The following LIMCH1 variants were observed in gnomAD, a reference collection of about 807,000 sequenced individuals.
LIMCH1 encodes LIM and calponin homology domains 1, also known as LIM and calponin homology domains-containing protein 1.
LIMCH1 carries 113 observed loss-of-function variants against 176.5 expected under a neutral mutation model. The ratio of observed to expected loss-of-function variants is 0.64; its 90% CI spans 0.55 to 0.75. LIMCH1 has a LOEUF of 0.75. Ranked by LOEUF, LIMCH1 falls within the 30% of genes least tolerant of loss-of-function variation. The pLI is 0.00. For synonymous variants in LIMCH1, 619 were observed against 645.9 expected, an observed-to-expected ratio of 0.96 and a Z score of 0.63; for missense variants, 1,674 against 1,814.9, an observed-to-expected ratio of 0.92 and a Z score of 1.41.
intron 1 of LIMCH1, among the ~76,000 whole-genome samples, chr4:41,564,786 T>C (rs936702753): frequency 1.3e-5 from 2 of 152,060 alleles, no homozygotes; most frequent in Non-Finnish European, 2.9e-5. Flanking sequence ...CAGGATCAGG[T>C]GGAGATAATT....
At chr4:41,484,347 A>T (rs6447077) in intron 1 of LIMCH1, among the ~76,000 whole-genome samples, 69,957 of 152,096 alleles carry the variant, frequency 0.46, 19,612 homozygotes, top group African/African-American at 0.79. Flanking sequence ...ATAAAACAGG[A>T]ATTTGGTAAA....
chr4:41,623,308 A>G (rs1046012082), intron 7 of LIMCH1, among the ~76,000 whole-genome samples: 4 of 152,204 alleles, frequency 2.6e-5, no homozygotes, highest in Middle Eastern at 3.2e-3. Context: ...GCACCCAACA[A>G]GAGGACCACT....
At chr4:41,611,313 C>T (rs1461900112) in intron 4 of LIMCH1, among the ~76,000 whole-genome samples, 1 of 152,202 alleles carries the variant, frequency 6.6e-6, no homozygotes. Flanking sequence ...TGAGTACACA[C>T]TGTGATGTTT....
chr4:41,559,030 C>T (rs1243884837), intron 1 of LIMCH1, among the ~76,000 whole-genome samples: 2 of 152,024 alleles, frequency 1.3e-5, no homozygotes, highest in Admixed American at 1.3e-4. Context: ...AGAGCATTGT[C>T]TTCGTGGCTG....
At chr4:41,623,213 T>C (rs1484314293) in intron 7 of LIMCH1, among the ~76,000 whole-genome samples, 1 of 152,204 alleles carries the variant, frequency 6.6e-6, no homozygotes, top group Non-Finnish European at 1.5e-5. Context: ...ATTTAAATCA[T>C]TGAAATACGC....
intron 1 of LIMCH1, among the ~76,000 whole-genome samples, chr4:41,443,149 T>C (rs185255127): frequency 8.3e-4 from 124 of 150,068 alleles, no homozygotes; most frequent in East Asian, 4.0e-4. Flanking sequence ...TGTCTTATGC[T>C]CCAAGGTAAA....
chr4:41,594,584 T>C (rs2088349439), intron 1 of LIMCH1, among the ~76,000 whole-genome samples: 1 of 152,232 alleles, frequency 6.6e-6, no homozygotes, highest in Non-Finnish European at 1.5e-5. Flanking sequence ...TTGCTAGCTC[T>C]TGGCTGGGTG....
chr4:41,547,448 A>C (rs2152498636), intron 1 of LIMCH1, among the ~76,000 whole-genome samples: 1 of 151,834 alleles, frequency 6.6e-6, no homozygotes, highest in South Asian at 2.1e-4. Context: ...AAAGATATTA[A>C]CTGCAGAGGC....
chr4:41,692,259 T>G (rs768366196), intron 30 of LIMCH1, 23 bp from the exon 31 acceptor site: 1 of 1,360,040 alleles, frequency 7.4e-7, no homozygotes, highest in African/African-American at 1.4e-5. Context: ...CATCTTATGA[T>G]GTCTGTTCTT....
chr4:41,628,584 A>G (rs2093127545), intron 8 of LIMCH1, among the ~76,000 whole-genome samples: 1 of 152,152 alleles, frequency 6.6e-6, no homozygotes, highest in Non-Finnish European at 1.5e-5. Flanking sequence ...TCCAGCTTGA[A>G]TGATATATTT....
At chr4:41,608,416 G>C (rs2091008667) in intron 4 of LIMCH1, among the ~76,000 whole-genome samples, 1 of 152,216 alleles carries the variant, frequency 6.6e-6, no homozygotes, top group South Asian at 2.1e-4. Flanking sequence ...TTTTTGTTAG[G>C]AGAGCAGATA....
rs1267065142 is a variant in LIMCH1 at position 41,571,360 on chromosome 4, G to T, written c.-240-27560G>T. On this transcript the variant is annotated intron_variant, in intron 1 of 31. Transcript: ENST00000503057. ...GACTTCTTTTGTCCTCGGAGCAGGG[G>T]AAAGGAGACGGAACACAGGAGTGTA... Among the ~76,000 whole-genome samples, 3 of 152,150 alleles carry T rather than the reference G, an allele frequency of 2.0e-5. 1 individual carries two copies. The highest frequency in any genetic ancestry group is 7.2e-5 in the African/African-American group (3 of 41,428).
Position 41,697,504 on chromosome 4 carries a change from G to A in LIMCH1, c.*319G>A, listed in dbSNP as rs959666375. ...TAAAATGTGTTATTCTCTTCTTTGG[G>A]AATTAGCTAAATGATGCAATAAACC... On this transcript the variant is annotated 3_prime_UTR_variant, in exon 32 of 32. Coordinates refer to ENST00000503057, the MANE Select transcript of LIMCH1 (RefSeq NM_001330672.2). 6.3e-6 allele frequency: 2 copies of A among 318,372 alleles called. No homozygotes were observed. The highest frequency in any genetic ancestry group is 5.0e-5 in the East Asian group (1 of 20,118). The allele number at this position is 318,372 out of a possible 1,614,324, so 19.7% of individuals were successfully genotyped here. A position where few individuals can be genotyped will look rare whatever the true frequency, so the allele number is the denominator to read the frequency against.
At position 41,646,482 on chromosome 4, in the gene LIMCH1, T is replaced by C; in HGVS notation, c.2412-3T>C. On this transcript the variant is annotated splice_region_variant and splice_polypyrimidine_tract_variant and intron_variant, in intron 16 of 31. Coordinates refer to ENST00000503057, the MANE Select transcript of LIMCH1 (RefSeq NM_001330672.2). The stretch of plus-strand genomic sequence containing the variant: ...TTGTTATTGCTTCTCCCATGTCCTT[T>C]AGAGAGCGGAGAGAGAGAGAGCTGC... The C allele has an allele frequency of 6.2e-7, 1 of 1,611,746 alleles. No individual in the cohort carries two copies. The highest frequency in any genetic ancestry group is 8.5e-7 in the Non-Finnish European group (1 of 1,178,302).
At chr4:41,635,275 C>G (rs2093526787) in intron 13 of LIMCH1, among the ~76,000 whole-genome samples, 1 of 151,742 alleles carries the variant, frequency 6.6e-6, no homozygotes, top group Non-Finnish European at 1.5e-5. Context: ...GCTTTGTTGC[C>G]CAGACTGGAG....
chr4:41,478,123 C>T (rs1003367520), intron 1 of LIMCH1, among the ~76,000 whole-genome samples: 3 of 152,196 alleles, frequency 2.0e-5, no homozygotes, highest in Non-Finnish European at 2.9e-5. Context: ...TTTTCCAGTT[C>T]CCTGTAAAAC....
intron 2 of LIMCH1, among the ~76,000 whole-genome samples, chr4:41,601,015 TCTC>T (rs1424901832): frequency 2.5e-4 from 38 of 152,306 alleles, no homozygotes; most frequent in African/African-American, 8.7e-4. Flanking sequence ...TTGTATTTCT[TCTC>T]CTCATTTTCT....
intron 1 of LIMCH1, among the ~76,000 whole-genome samples, chr4:41,436,754 G>A (rs923236654): frequency 6.6e-6 from 1 of 152,074 alleles, no homozygotes; most frequent in Non-Finnish European, 1.5e-5. Context: ...TGGGAAACTA[G>A]GATTTTGTCA....
intron 1 of LIMCH1, among the ~76,000 whole-genome samples, chr4:41,377,419 G>C (rs2054928974): frequency 6.6e-6 from 1 of 152,202 alleles, no homozygotes; most frequent in African/African-American, 2.4e-5. Context: ...CAAAGTCAGT[G>C]GGGCAGGAAA....
Sources: allele counts gnomAD v4.1 joint callset (sites outside exome capture counted in the v4.1 genomes callset), GRCh38; gene constraint gnomAD v4.1.1; transcripts MANE v1.5; gene names NCBI Gene and HGNC (gene_info 2026-07-23, HGNC 2026-07-21).